Variants in ATXN7 observed in about 807,000 individuals in gnomAD.
The protein encoded by ATXN7 is ataxin-7.
A neutral mutation model predicts 70.5 loss-of-function variants in ATXN7; 12 were observed. The ratio of observed to expected loss-of-function variants is 0.17; its 90% CI spans 0.11 to 0.28. The LOEUF (loss-of-function observed/expected upper bound fraction) is 0.28. Ranked by LOEUF, ATXN7 falls within the 10% of genes least tolerant of loss-of-function variation. The pLI is 1.00. For synonymous variants in ATXN7, 498 were observed against 448.7 expected (o/e 1.11, Z -1.39); for missense variants, 1,256 against 1,131.7 (o/e 1.11, Z -1.58).
intron 4 of ATXN7, among the ~76,000 whole-genome samples, chr3:63,931,193 T>C (rs966231234): frequency 1.3e-5 from 2 of 151,838 alleles, no homozygotes; most frequent in Non-Finnish European, 2.9e-5. Flanking sequence ...CCTGCCTCGG[T>C]GTCCCAAAGT....
chr3:63,897,122 A>G (rs534203524), intron 1 of ATXN7, among the ~76,000 whole-genome samples: 16 of 152,336 alleles, frequency 1.1e-4, no homozygotes, highest in Non-Finnish European at 1.5e-4. Context: ...GCACAGCTAT[A>G]AAGTATTTAG....
chr3:63,892,065 T>C (rs1703284455), intron 1 of ATXN7, among the ~76,000 whole-genome samples: 1 of 152,150 alleles, frequency 6.6e-6, no homozygotes. Context: ...AGACAGTGCA[T>C]GTACAGAGTT....
At position 64,002,175 on chromosome 3, in the gene ATXN7, G is replaced by C. The variant is rs556214178; in HGVS notation, c.*2708G>C. ...TATTTAAATATGTATTTTTGCACAG[G>C]TCTTTTTTTCTGATATCCTGTTTTG... On this transcript the variant is annotated 3_prime_UTR_variant, in exon 13 of 13. Coordinates refer to ENST00000674280, the MANE Select transcript of ATXN7 (RefSeq NM_001377405.1). The C allele has an allele frequency of 6.6e-6, 1 of 152,094 alleles. No homozygotes were observed. The highest frequency in any genetic ancestry group is 2.4e-5 in the African/African-American group (1 of 41,322). The allele number at this position is 152,094 out of a possible 1,614,324, so 9.4% of individuals were successfully genotyped here.
chr3:63,992,528 T>C (rs1313198687), intron 11 of ATXN7, among the ~76,000 whole-genome samples: 1 of 152,198 alleles, frequency 6.6e-6, no homozygotes, highest in Non-Finnish European at 1.5e-5. Context: ...AGAATGGATT[T>C]CTGAATGTTT....
At chr3:63,863,480 C>T, upstream of ATXN7, 2 of 1,168,670 alleles carry the variant, frequency 1.7e-6, no homozygotes, top group Non-Finnish European at 1.1e-6. Context: ...TGTTCCCAGC[C>T]CACCGACCAC....
chr3:63,939,225 T>G lies in ATXN7; in HGVS notation c.395-13154T>G, dbSNP rs1575924121. 3.3e-5 allele frequency among the ~76,000 whole-genome samples: 5 copies of G among 152,170 alleles called. No homozygotes were observed. In the South Asian group the frequency reaches 1.0e-3, roughly 31 times the overall value. ...TGATACCTCTTATCCATCCATCCTGTTCTGTAAGATGGGAAGCATGGCATC... is the reference window on the plus strand; with the variant it reads ...TGATACCTCTTATCCATCCATCCTGGTCTGTAAGATGGGAAGCATGGCATC... On this transcript the variant is annotated intron_variant, in intron 4 of 12. Transcript: ENST00000674280.
chr3:63,967,869 C>G, intron 5 of ATXN7: 2 of 1,535,056 alleles, frequency 1.3e-6, no homozygotes, highest in Non-Finnish European at 1.7e-6. Flanking sequence ...TGATGCAAGC[C>G]TGCAGTAGCA....
In ATXN7 at chr3:63,867,973, G is replaced by C. The variant is rs547391861; in HGVS notation, c.-111+3815G>C. Among the ~76,000 whole-genome samples the C allele has an allele frequency of 2.6e-4, 40 of 152,296 alleles. 1 individual carries two copies. Among genetic ancestry groups the C allele is most frequent in the African/African-American group, 8.7e-4 (36 of 41,560 alleles). ...ACTTCCATTTTATTCCCACAACAAA[G>C]CATTGCCTATCAGTTGATAAGCCAA... On this transcript the variant is annotated intron_variant, in intron 1 of 12. Coordinates refer to ENST00000674280, the MANE Select transcript of ATXN7 (RefSeq NM_001377405.1).
chr3:63,961,237 T>C (rs958802195), intron 5 of ATXN7, among the ~76,000 whole-genome samples: 6 of 152,230 alleles, frequency 3.9e-5, no homozygotes, highest in African/African-American at 1.4e-4. Context: ...TTTAACTTAA[T>C]AATCTATCTA....
At chr3:63,921,437 C>G (rs546235192) in intron 4 of ATXN7, among the ~76,000 whole-genome samples, 5 of 152,246 alleles carry the variant, frequency 3.3e-5, no homozygotes, top group African/African-American at 1.2e-4. Context: ...ATATGTACTT[C>G]CCCTCAAAAA....
At chr3:63,988,494 A>T (rs1326611474) in intron 9 of ATXN7, 170 bp downstream of exon 9, 1 of 882,572 alleles carries the variant, frequency 1.1e-6, no homozygotes, top group Non-Finnish European at 1.7e-6. Flanking sequence ...GAGTTCAGTA[A>T]GTTTCAACCA....
chr3:63,976,823 A>AC (rs2075396010), intron 5 of ATXN7, among the ~76,000 whole-genome samples: 1 of 152,212 alleles, frequency 6.6e-6, no homozygotes, highest in African/African-American at 2.4e-5. Context: ...ACACTCAAAG[A>AC]CCTCATCAGT....
intron 8 of ATXN7, among the ~76,000 whole-genome samples, chr3:63,987,071 T>C (rs1162910179): frequency 1.3e-5 from 2 of 152,232 alleles, no homozygotes; most frequent in African/African-American, 4.8e-5. Flanking sequence ...AGGTTTAACT[T>C]GAGTGATTGG....
rs1278558830 is a variant in ATXN7, at chr3:64,003,192, T to G, written c.*3725T>G. ...TACTGTCAGTGTGAATGTAGGGCCT[T>G]GAAAGCATTTTGCTTTTTTTTTTTT... On this transcript the variant is annotated 3_prime_UTR_variant, in exon 13 of 13. Transcript: ENST00000674280. 1 of 150,714 alleles carries G rather than the reference T, an allele frequency of 6.6e-6. No individual in the cohort carries two copies. The highest frequency in any genetic ancestry group is 1.5e-5 in the Non-Finnish European group (1 of 67,768). The allele number at this position is 150,714 out of a possible 1,614,324, so 9.3% of individuals were successfully genotyped here.
chr3:63,964,397 G>T (rs1472747425), intron 5 of ATXN7, among the ~76,000 whole-genome samples: 1 of 152,016 alleles, frequency 6.6e-6, no homozygotes, highest in Non-Finnish European at 1.5e-5. Flanking sequence ...GAAAAACTAT[G>T]GCCAGTTTTG....
intron 12 of ATXN7, chr3:63,997,755 G>C (rs2075783607): frequency 1.3e-6 from 2 of 1,523,214 alleles, no homozygotes. Flanking sequence ...ATGCCAGCCG[G>C]GTTAGGACTT....
rs1422806242 is a variant in ATXN7, at chr3:64,002,229, TATTA to T, written c.*2769_*2772del. On this transcript the variant is annotated 3_prime_UTR_variant, in exon 13 of 13. Transcript: ENST00000674280. ...CAATTGAGATCATCTAGTATTTATT[TATTA>T]ATTAATAAAAGTAAATACCTTTTTA... 19 of 152,634 alleles carry T rather than the reference TATTA, an allele frequency of 1.2e-4. No individual in the cohort carries two copies. Among genetic ancestry groups the T allele is most frequent in the African/African-American group, 4.3e-4 (18 of 41,454 alleles). 9.5% of individuals were successfully genotyped at this position (152,634 alleles called of 1,614,324 possible).
intron 1 of ATXN7, among the ~76,000 whole-genome samples, chr3:63,898,022 CAATCTGTGTTTTTAA>C (rs1703496716): frequency 1.3e-5 from 2 of 152,136 alleles, no homozygotes; most frequent in South Asian, 4.1e-4. Flanking sequence ...TAATCTCATT[CAATCTGTGTTTTTAA>C]AATCTGTGAT....
At chr3:63,878,911 T>C (rs1471642029) in intron 1 of ATXN7, among the ~76,000 whole-genome samples, 2 of 152,184 alleles carry the variant, frequency 1.3e-5, no homozygotes, top group Non-Finnish European at 2.9e-5. Flanking sequence ...TTTGATCTTT[T>C]TCCAGTGCCT....
Sources: gnomAD v4.1 joint callset for allele counts (sites outside exome capture counted in the v4.1 genomes callset) on GRCh38, gnomAD v4.1.1 for gene constraint, MANE v1.5 for transcripts, NCBI Gene and HGNC (gene_info 2026-07-23, HGNC 2026-07-21) for gene names.